GDAP1: variants seen among roughly 807,000 people sequenced by gnomAD.
GDAP1 encodes ganglioside induced differentiation associated protein 1, also known as ganglioside-induced differentiation-associated protein 1.
Under a neutral mutation model 40.1 loss-of-function variants are expected in GDAP1, and 34 were observed. The ratio of observed to expected loss-of-function variants is 0.85; its 90% confidence interval spans 0.64 to 1.13. The LOEUF is 1.13. GDAP1 is among the 50% of genes most tolerant of loss of function. The pLI, the probability that GDAP1 is intolerant of heterozygous loss-of-function variation, is 0.00. For synonymous variants in GDAP1, 170 were observed against 157.4 expected (o/e 1.08, Z -0.60); for missense variants, 374 against 433.7 (o/e 0.86, Z 1.22).
intron 2 of GDAP1, among the ~76,000 whole-genome samples, chr8:74,437,100 A>G (rs1216844498): frequency 6.6e-6 from 1 of 152,220 alleles, no homozygotes; most frequent in Non-Finnish European, 1.5e-5. Context: ...CAGTGTAAGA[A>G]GTCATGGAAT....
At chr8:74,373,422 T>C (rs1013617495) in intron 2 of GDAP1, among the ~76,000 whole-genome samples, 36 of 152,296 alleles carry the variant, frequency 2.4e-4, no homozygotes, top group Middle Eastern at 3.4e-3. Context: ...TTGTGTCCTC[T>C]TTTATTTCGT....
intron 2 of GDAP1, among the ~76,000 whole-genome samples, chr8:74,459,383 A>G (rs1309803933): frequency 1.3e-5 from 2 of 152,206 alleles, no homozygotes; most frequent in Non-Finnish European, 2.9e-5. Context: ...TTGAGTGTGC[A>G]TAAGAATGAC....
intron 2 of GDAP1, among the ~76,000 whole-genome samples, chr8:74,384,027 T>G (rs2131539609): frequency 6.6e-6 from 1 of 152,296 alleles, no homozygotes; most frequent in East Asian, 1.9e-4. Flanking sequence ...ATGAGAATAA[T>G]GATTTTATTA....
intron 2 of GDAP1, among the ~76,000 whole-genome samples, chr8:74,386,598 T>C (rs898601265): frequency 2.0e-5 from 3 of 152,202 alleles, no homozygotes; most frequent in Admixed American, 2.0e-4. Context: ...CCTTGTAATA[T>C]AGCTGGAAGT....
intron 2 of GDAP1, among the ~76,000 whole-genome samples, chr8:74,429,227 C>A (rs980790736): frequency 1.4e-4 from 21 of 151,928 alleles, no homozygotes; most frequent in African/African-American, 5.1e-4. Flanking sequence ...TGGGTATATA[C>A]CCAGTAATGG....
intron 1 of GDAP1, 106 bp from the exon 2 acceptor site, chr8:74,351,168 A>T: frequency 1.2e-6 from 1 of 866,308 alleles, no homozygotes; most frequent in South Asian, 1.3e-5. Context: ...ACTGTTGAAA[A>T]TGTCGGTAAC....
intron 2 of GDAP1, among the ~76,000 whole-genome samples, chr8:74,377,574 A>T (rs1809878478): frequency 6.6e-6 from 1 of 152,228 alleles, no homozygotes. Flanking sequence ...CCGCAATGAG[A>T]TACTACTTTA....
In GDAP1 at chr8:74,381,966, A is replaced by C. The variant is rs553474790; in HGVS notation, c.165+30645A>C. ...CTCTGCTTTCGCCTTCATTTCCTTT[A>C]ATATTGGCCACTATGCTGGGGTACA... On this transcript the variant is annotated intron_variant, in intron 2 of 2. Transcript: ENST00000523640. Among the ~76,000 whole-genome samples, 5 of 151,980 alleles carry C rather than the reference A, an allele frequency of 3.3e-5. 1 individual carries two copies. In the East Asian group the frequency reaches 9.7e-4, roughly 29 times the overall value.
intron 2 of GDAP1, among the ~76,000 whole-genome samples, chr8:74,390,963 G>A (rs1810099378): frequency 6.6e-6 from 1 of 152,182 alleles, no homozygotes; most frequent in African/African-American, 2.4e-5. Context: ...TGAACTTCCT[G>A]GTGGCTTTGT....
intron 2 of GDAP1, among the ~76,000 whole-genome samples, chr8:74,437,491 A>G (rs1806107029): frequency 6.6e-6 from 1 of 152,166 alleles, no homozygotes; most frequent in African/African-American, 2.4e-5. Flanking sequence ...TTTTAAGAGC[A>G]TTTAAAGTGA....
At position 74,350,430 on chromosome 8, in the gene GDAP1, G is replaced by A. The variant is rs780336392; in HGVS notation, c.-32G>A. The A allele has an allele frequency of 1.4e-5, 19 of 1,366,438 alleles. No individual in the cohort carries two copies. Among genetic ancestry groups the A allele is most frequent in the South Asian group, 2.3e-5 (2 of 86,258 alleles). The allele number at this position is 1,366,438 out of a possible 1,614,324, so 84.6% of individuals were successfully genotyped here. ...GGGAGGGAGAAGTCCAGGGCGGACA[G>A]GCTGGGCGCACCCGTGCTCGCGCAC... On this transcript the variant is annotated 5_prime_UTR_variant, in exon 1 of 6. Transcript: ENST00000220822.
At chr8:74,350,956 A>T (rs1808836650) in intron 1 of GDAP1, among the ~76,000 whole-genome samples, 1 of 152,190 alleles carries the variant, frequency 6.6e-6, no homozygotes, top group African/African-American at 2.4e-5. Flanking sequence ...GCAAGAGCTG[A>T]TGTACCTACA....
chr8:74,474,232 C>G (rs749513004), intron 2 of GDAP1, among the ~76,000 whole-genome samples: 2 of 152,162 alleles, frequency 1.3e-5, no homozygotes, highest in African/African-American at 2.4e-5. Flanking sequence ...ATCATGTCAT[C>G]TGGAAACAAG....
intron 2 of GDAP1, among the ~76,000 whole-genome samples, chr8:74,455,619 A>G (rs1461868495): frequency 6.6e-6 from 1 of 151,968 alleles, no homozygotes; most frequent in Non-Finnish European, 1.5e-5. Flanking sequence ...TTTCTGAGTG[A>G]TAACATTAGA....
chr8:74,383,125 A>G (rs997201036), intron 2 of GDAP1, among the ~76,000 whole-genome samples: 9 of 152,216 alleles, frequency 5.9e-5, no homozygotes, highest in African/African-American at 2.2e-4. Context: ...CCCATGAAAC[A>G]TGACATTTTG....
At position 74,444,548 on chromosome 8, in the gene GDAP1, C is replaced by T. The variant is rs182007209; in HGVS notation, c.166-44130C>T. ...GAAGAATTAGAAAATTATGATTATGCAACTAAGTAACTTCAGACTTGAATT... is the reference window on the plus strand; with the variant it reads ...GAAGAATTAGAAAATTATGATTATGTAACTAAGTAACTTCAGACTTGAATT... On this transcript the variant is annotated intron_variant, in intron 2 of 2. Transcript: ENST00000523640. 5.2e-3 allele frequency among the ~76,000 whole-genome samples: 784 copies of T among 152,154 alleles called. 6 individuals are homozygous for T. The highest frequency in any genetic ancestry group is 0.018 in the African/African-American group (753 of 41,504).
intron 2 of GDAP1, among the ~76,000 whole-genome samples, chr8:74,477,250 CT>C (rs2128721209): frequency 6.6e-6 from 1 of 152,308 alleles, no homozygotes; most frequent in Admixed American, 6.5e-5. Context: ...CCTCAGTGAT[CT>C]TCATCCCCAA....
At chr8:74,477,463 G>T (rs1053275780) in intron 2 of GDAP1, among the ~76,000 whole-genome samples, 7 of 147,182 alleles carry the variant, frequency 4.8e-5, no homozygotes, top group South Asian at 2.1e-4. Context: ...CCTTTGGATG[G>T]TTTTTTTTTT....
At chr8:74,434,166 C>G (rs1043997312) in intron 2 of GDAP1, among the ~76,000 whole-genome samples, 3 of 152,168 alleles carry the variant, frequency 2.0e-5, no homozygotes, top group South Asian at 2.1e-4. Flanking sequence ...CCCTGGGAAC[C>G]CACTGGGGTT....
Sources: gnomAD v4.1 joint callset for allele counts (sites outside exome capture counted in the v4.1 genomes callset) on GRCh38, gnomAD v4.1.1 for gene constraint, MANE v1.5 for transcripts, NCBI Gene and HGNC (gene_info 2026-07-23, HGNC 2026-07-21) for gene names.